Variants in AXIN2 observed in about 807,000 individuals in gnomAD.
AXIN2 encodes axin-2.
AXIN2 carries 21 observed loss-of-function variants against 74.7 expected under a neutral mutation model. The ratio of observed to expected loss-of-function variants is 0.28; its 90% CI spans 0.20 to 0.40. AXIN2 has a LOEUF of 0.40. Among genes scored for constraint, AXIN2 ranks in the 10% least tolerant of loss-of-function variants. The probability of loss-of-function intolerance (pLI) is 1.00; values close to 1 mark genes in which losing one functional copy is unlikely to be tolerated. For synonymous variants in AXIN2, 532 were observed against 454.9 expected (o/e 1.17, Z -2.16); for missense variants, 1,144 against 1,111.1 (o/e 1.03, Z -0.42).
intron 2 of AXIN2, among the ~76,000 whole-genome samples, chr17:65,551,205 T>C (rs564154296): frequency 3.3e-5 from 5 of 151,946 alleles, no homozygotes; most frequent in Non-Finnish European, 7.4e-5. Context: ...ATGGGACTGA[T>C]GGGACTAATG....
chr17:65,560,345 T>G (rs2044346326), intron 1 of AXIN2: 1 of 147,918 alleles, frequency 6.8e-6, no homozygotes, highest in Non-Finnish European at 1.5e-5. Flanking sequence ...GTGGGCCCCT[T>G]AGCGCGGACC....
chr17:65,537,199 G>A (rs1361385471), intron 6 of AXIN2, 125 bp downstream of exon 6: 2 of 1,541,898 alleles, frequency 1.3e-6, no homozygotes, highest in African/African-American at 1.4e-5. Flanking sequence ...CCCTCACCCG[G>A]CCGTGCACTC....
At position 65,557,942 on chromosome 17, in the gene AXIN2, T is replaced by C. The variant is rs1483174622; in HGVS notation, c.679A>G (p.Thr227Ala). The change falls in exon 2 of 11, where the codon ACC (threonine) becomes GCC (alanine). Residue 227 changes from threonine to alanine, a missense_variant. Around this residue, in one of 4 missense-constraint regions of AXIN2, gnomAD observed 1,053 missense variants for 973.5 expected, o/e 1.08. Coordinates refer to ENST00000307078, the MANE Select transcript of AXIN2 (RefSeq NM_004655.4). ...GTCCACTCCTCTTCTTCATTCAAGG[T>C]GGGGAGATAGCCACACACGACCTTT... Reference protein sequence around the residue: ...SLKVVCGYLPTLNEEEEWTCA... With the variant: ...SLKVVCGYLPALNEEEEWTCA... 6 of 1,614,070 alleles carry C rather than the reference T, an allele frequency of 3.7e-6. No homozygotes were observed. The highest frequency in any genetic ancestry group is 5.1e-6 in the Non-Finnish European group (6 of 1,180,044).
chr17:65,540,677 A>G (rs1369772037), intron 4 of AXIN2, among the ~76,000 whole-genome samples: 3 of 152,052 alleles, frequency 2.0e-5, no homozygotes, highest in African/African-American at 7.2e-5. Flanking sequence ...CCTGTAGTTC[A>G]TATGAGATCT....
intron 9 of AXIN2, among the ~76,000 whole-genome samples, 180 bp downstream of exon 9, chr17:65,535,446 G>C (rs1475511747): frequency 6.6e-6 from 1 of 152,214 alleles, no homozygotes; most frequent in Non-Finnish European, 1.5e-5. Context: ...TTGCTATGAT[G>C]CATTTGTCGG....
chr17:65,561,406 C>A (rs1284180404), intron 1 of AXIN2, 44 bp downstream of exon 1: 1 of 145,540 alleles, frequency 6.9e-6, no homozygotes, highest in Non-Finnish European at 1.5e-5. Context: ...AAGAGGGGGG[C>A]TTTCTTTGAA....
In AXIN2 at chr17:65,541,617, T is replaced by C; in HGVS notation, c.957-60A>G. The C allele has an allele frequency of 2.9e-6, 4 of 1,377,604 alleles. No individual in the cohort carries two copies. The East Asian group carries it at 6.8e-5, about 24-fold the overall frequency. The allele number at this position is 1,377,604 out of a possible 1,614,324, so 85.3% of individuals were successfully genotyped here. On this transcript the variant is annotated intron_variant, in intron 3 of 10. Transcript: ENST00000307078. ...ACGAGGATGTTTTCAGCACATCACATGGGCTACTGTCATATGCCATCTTGA... is the reference window on the plus strand; with the variant it reads ...ACGAGGATGTTTTCAGCACATCACACGGGCTACTGTCATATGCCATCTTGA...
rs538187756 is a variant in AXIN2 at position 65,552,981 on chromosome 17, T to A, written c.816-3321A>T. 4.6e-3 allele frequency among the ~76,000 whole-genome samples: 693 copies of A among 151,986 alleles called. 6 individuals are homozygous for A. Among genetic ancestry groups the A allele is most frequent in the African/African-American group, 0.015 (638 of 41,408 alleles). Reference sequence around the variant, plus strand: ...AGGCAAAGGTTGTGGTGAGCAGAGATCACACCATTGCACTCCAGCCTAGGC... The same window carrying A: ...AGGCAAAGGTTGTGGTGAGCAGAGAACACACCATTGCACTCCAGCCTAGGC... On this transcript the variant is annotated intron_variant, in intron 2 of 10. Transcript: ENST00000307078.
chr17:65,542,898 T>G (rs2044064013), intron 3 of AXIN2, among the ~76,000 whole-genome samples: 1 of 152,178 alleles, frequency 6.6e-6, no homozygotes, highest in South Asian at 2.1e-4. Flanking sequence ...ATAGGATAAT[T>G]AGCAATGTCT....
chr17:65,543,813 T>A (rs2044077213), intron 3 of AXIN2, among the ~76,000 whole-genome samples: 1 of 152,196 alleles, frequency 6.6e-6, no homozygotes, highest in South Asian at 2.1e-4. Flanking sequence ...TTGTGGAATT[T>A]TCTGGGAAGT....
At chr17:65,561,028 G>C (rs1426905807) in intron 1 of AXIN2, 1 of 149,146 alleles carries the variant, frequency 6.7e-6, no homozygotes, top group Non-Finnish European at 1.5e-5. Context: ...CACCGGCCGG[G>C]GAGGGGGAAC....
chr17:65,533,703 C>G (rs11651031), intron 10 of AXIN2, among the ~76,000 whole-genome samples: 176 of 152,090 alleles, frequency 1.2e-3, no homozygotes, highest in African/African-American at 4.0e-3. Context: ...GAACCCTCCA[C>G]GCAGCCTCCC....
At chr17:65,553,448 T>C (rs922360225) in intron 2 of AXIN2, among the ~76,000 whole-genome samples, 15 of 152,212 alleles carry the variant, frequency 9.9e-5, no homozygotes, top group Admixed American at 4.6e-4. Context: ...CTGTAAGAGC[T>C]ATACTTCAAC....
chr17:65,535,583 A>G, intron 9 of AXIN2, 43 bp downstream of exon 9: 1 of 1,571,974 alleles, frequency 6.4e-7, no homozygotes, highest in South Asian at 1.1e-5. Flanking sequence ...CTGAAACATA[A>G]AGCACTCGGC....
intron 10 of AXIN2, among the ~76,000 whole-genome samples, 172 bp downstream of exon 10, chr17:65,533,740 T>A (rs1005568509): frequency 6.6e-6 from 1 of 152,202 alleles, no homozygotes; most frequent in African/African-American, 2.4e-5. Flanking sequence ...TCGTTATTGC[T>A]GCTAGCGGTG....
At chr17:65,558,930 C>T (rs912786106) in intron 1 of AXIN2, among the ~76,000 whole-genome samples, 194 bp from the exon 2 acceptor site, 3 of 152,060 alleles carry the variant, frequency 2.0e-5, no homozygotes, top group African/African-American at 7.2e-5. Flanking sequence ...GAAATCTGAG[C>T]TCCCTGCACA....
chr17:65,557,001 C>T (rs1250204990), intron 2 of AXIN2, among the ~76,000 whole-genome samples: 1 of 152,200 alleles, frequency 6.6e-6, no homozygotes, highest in Admixed American at 6.5e-5. Flanking sequence ...GGTCAAGAAT[C>T]TTAAGACTTG....
Position 65,547,658 on chromosome 17 carries a change from C to G in AXIN2, c.956+1862G>C, listed in dbSNP as rs564606999. The stretch of plus-strand genomic sequence containing the variant: ...ACTAAACAGAAGTCTTATCGTCTGA[C>G]GTAAACTGCATTTGACTTAGGAGAT... On this transcript the variant is annotated intron_variant, in intron 3 of 10. Coordinates refer to ENST00000307078, the MANE Select transcript of AXIN2 (RefSeq NM_004655.4). Among the ~76,000 whole-genome samples the G allele has an allele frequency of 5.3e-4, 81 of 152,314 alleles. No individual in the cohort carries two copies. The Middle Eastern group carries it at 0.017, about 32-fold the overall frequency.
At chr17:65,545,310 T>C (rs1293246799) in intron 3 of AXIN2, among the ~76,000 whole-genome samples, 1 of 152,178 alleles carries the variant, frequency 6.6e-6, no homozygotes, top group Non-Finnish European at 1.5e-5. Flanking sequence ...TCCATCCTTC[T>C]AAGCCTGATG....
Sources: allele counts gnomAD v4.1 joint callset (sites outside exome capture counted in the v4.1 genomes callset), GRCh38; gene constraint gnomAD v4.1.1; regional missense constraint gnomAD v4.1.1; transcripts MANE v1.5; gene names NCBI Gene and HGNC (gene_info 2026-07-23, HGNC 2026-07-21).